The following GLIS3 variants were observed in gnomAD, a reference collection of about 807,000 sequenced individuals.
GLIS3 encodes the protein GLIS family zinc finger 3, also known as zinc finger protein GLIS3.
GLIS3 carries 53 observed loss-of-function variants against 78.6 expected under a neutral mutation model. The observed-to-expected ratio is 0.67, with a 90% CI of 0.54 to 0.85. The LOEUF is 0.85. Ranked by LOEUF, GLIS3 falls within the 40% of genes least tolerant of loss-of-function variation. The pLI is 0.00. For synonymous variants in GLIS3, 684 were observed against 509.9 expected, an observed-to-expected ratio of 1.34 and a Z score of -4.60; for missense variants, 1,703 against 1,231.1, an observed-to-expected ratio of 1.38 and a Z score of -5.74.
intron 2 of GLIS3, among the ~76,000 whole-genome samples, chr9:4,199,628 C>T (rs1819183843): frequency 6.6e-6 from 1 of 151,414 alleles, no homozygotes; most frequent in African/African-American, 2.4e-5. Context: ...TACATATGCA[C>T]CTAACATTGG....
At chr9:4,361,571 TG>T in the GLIS3 span, among the ~76,000 whole-genome samples, 1 of 152,242 alleles carries the variant, frequency 6.6e-6, no homozygotes, top group Non-Finnish European at 1.5e-5. Context: ...CACTTCTCTC[TG>T]TTACTCGCCT....
At chr9:4,044,094 G>C (rs1473205029) in intron 4 of GLIS3, among the ~76,000 whole-genome samples, 1 of 152,208 alleles carries the variant, frequency 6.6e-6, no homozygotes, top group Admixed American at 6.5e-5. Flanking sequence ...GACACCTTCA[G>C]TGTCCCAGAG....
chr9:3,954,262 A>C (rs921925859), intron 4 of GLIS3, among the ~76,000 whole-genome samples: 1 of 152,220 alleles, frequency 6.6e-6, no homozygotes, highest in African/African-American at 2.4e-5. Flanking sequence ...CACTTAACAC[A>C]ACTGTAGAGC....
chr9:3,894,386 A>G (rs527573527), intron 7 of GLIS3, among the ~76,000 whole-genome samples: 1 of 152,352 alleles, frequency 6.6e-6, no homozygotes, highest in East Asian at 1.9e-4. Flanking sequence ...TATATGAAGC[A>G]CTTTTACAGA....
At chr9:4,346,342 T>C (rs1426673111) in intron 2 of GLIS3, among the ~76,000 whole-genome samples, 2 of 152,116 alleles carry the variant, frequency 1.3e-5, no homozygotes, top group East Asian at 3.8e-4. Context: ...ATACAAAGCT[T>C]CATTTGACAG....
the GLIS3 span, among the ~76,000 whole-genome samples, chr9:4,462,084 A>T: frequency 6.6e-6 from 1 of 152,136 alleles, no homozygotes; most frequent in Non-Finnish European, 1.5e-5. Context: ...CAGAACAATA[A>T]TTCTCAGATT....
chr9:4,149,368 C>A (rs1336212632), intron 2 of GLIS3, among the ~76,000 whole-genome samples: 2 of 152,168 alleles, frequency 1.3e-5, no homozygotes, highest in Non-Finnish European at 2.9e-5. Context: ...CCAGCTAGCC[C>A]AACTCAAAAA....
the GLIS3 span, among the ~76,000 whole-genome samples, chr9:4,414,980 T>A: frequency 6.6e-6 from 1 of 152,254 alleles, no homozygotes; most frequent in South Asian, 2.1e-4. Flanking sequence ...GTATTTGGAA[T>A]TGAGCCTAGT....
At chr9:3,976,650 A>G (rs1818810557) in intron 4 of GLIS3, among the ~76,000 whole-genome samples, 1 of 151,784 alleles carries the variant, frequency 6.6e-6, no homozygotes, top group Non-Finnish European at 1.5e-5. Flanking sequence ...CCCAAGAGTA[A>G]CATCACCATA....
intron 2 of GLIS3, among the ~76,000 whole-genome samples, chr9:4,216,857 T>A (rs991758644): frequency 8.5e-5 from 13 of 152,206 alleles, no homozygotes; most frequent in African/African-American, 3.1e-4. Flanking sequence ...GAATGTCACG[T>A]GCATTATGTT....
chr9:4,421,816 G>C, the GLIS3 span, among the ~76,000 whole-genome samples: 1 of 152,194 alleles, frequency 6.6e-6, no homozygotes, highest in Admixed American at 6.5e-5. Flanking sequence ...CCAAACATAA[G>C]TGATATATTC....
At chr9:4,180,198 G>T (rs535390265) in intron 2 of GLIS3, among the ~76,000 whole-genome samples, 2 of 152,156 alleles carry the variant, frequency 1.3e-5, no homozygotes. Flanking sequence ...AAGGAGAGGA[G>T]ATGGGGACTG....
intron 2 of GLIS3, among the ~76,000 whole-genome samples, chr9:4,183,188 G>C (rs988327643): frequency 1.3e-5 from 2 of 152,166 alleles, no homozygotes; most frequent in Non-Finnish European, 2.9e-5. Context: ...CTGAGAAACA[G>C]GCTGAAGCCA....
At chr9:4,151,156 C>T (rs1834646486) in intron 2 of GLIS3, 2 of 152,192 alleles carry the variant, frequency 1.3e-5, no homozygotes, top group Admixed American at 6.5e-5. Context: ...GACTCTGTTT[C>T]AGTCCACAGG....
chr9:4,356,167 C>T, the GLIS3 span, among the ~76,000 whole-genome samples: 3 of 152,132 alleles, frequency 2.0e-5, no homozygotes, highest in Non-Finnish European at 2.9e-5. Flanking sequence ...AAGTTCCTTC[C>T]ACCTCAACAA....
At chr9:4,428,286 C>A in the GLIS3 span, among the ~76,000 whole-genome samples, 387 of 152,080 alleles carry the variant, frequency 2.5e-3, 2 homozygotes, top group African/African-American at 9.0e-3. Context: ...CAAGACCAGC[C>A]TGGCCAACAT....
At chr9:3,906,814 C>A (rs1385133301) in intron 6 of GLIS3, among the ~76,000 whole-genome samples, 2 of 152,200 alleles carry the variant, frequency 1.3e-5, no homozygotes, top group African/African-American at 4.8e-5. Context: ...ACATTAAGCA[C>A]CTCCATACTG....
chr9:4,267,888 AG>A (rs1465340145), intron 2 of GLIS3, among the ~76,000 whole-genome samples: 1 of 152,192 alleles, frequency 6.6e-6, no homozygotes, highest in African/African-American at 2.4e-5. Flanking sequence ...AGAAATAAAT[AG>A]ATTTGCTATC....
chr9:3,969,843 A>G, intron 4 of GLIS3, among the ~76,000 whole-genome samples: 1 of 152,244 alleles, frequency 6.6e-6, no homozygotes, highest in East Asian at 1.9e-4. Context: ...GAAACTGAGC[A>G]AAATTCAAAA....
Sources: allele counts gnomAD v4.1 joint callset (sites outside exome capture counted in the v4.1 genomes callset), GRCh38; gene constraint gnomAD v4.1.1; transcripts MANE v1.5; gene names NCBI Gene and HGNC (gene_info 2026-07-23, HGNC 2026-07-21).